Variants in CHMP3 observed in about 807,000 individuals in gnomAD.
The protein encoded by CHMP3 is charged multivesicular body protein 3.
A neutral mutation model predicts 27.4 loss-of-function variants in CHMP3; 8 were observed. The observed-to-expected ratio is 0.29, with a 90% CI of 0.17 to 0.53. The LOEUF (loss-of-function observed/expected upper bound fraction) is 0.53, where lower values mean the gene tolerates loss of function less well. Ranked by LOEUF, CHMP3 falls within the 20% of genes least tolerant of loss-of-function variation. The pLI, the probability that CHMP3 is intolerant of heterozygous loss-of-function variation, is 0.96. For missense variants in CHMP3, 208 were observed against 271.5 expected (o/e 0.77, Z 1.64); for synonymous variants, 86 against 85.5 (o/e 1.01, Z -0.03).
chr2:86,554,759 T>C (rs1357771492), intron 1 of CHMP3, among the ~76,000 whole-genome samples: 1 of 151,822 alleles, frequency 6.6e-6, no homozygotes, highest in African/African-American at 2.4e-5. Context: ...ATTGGATTGT[T>C]GTATTACACA....
At chr2:86,519,393 C>T (rs1267534930) in intron 3 of CHMP3, among the ~76,000 whole-genome samples, 1 of 149,592 alleles carries the variant, frequency 6.7e-6, no homozygotes, top group Non-Finnish European at 1.5e-5. Context: ...CAAAGGAATA[C>T]TATGAAAACA....
chr2:86,509,855 C>T (rs1294164679), intron 4 of CHMP3, among the ~76,000 whole-genome samples: 2 of 152,194 alleles, frequency 1.3e-5, no homozygotes, highest in East Asian at 3.8e-4. Flanking sequence ...CTTCTTTATC[C>T]CTGTCCTTGT....
intron 2 of CHMP3, among the ~76,000 whole-genome samples, chr2:86,533,877 T>A (rs1041418914): frequency 1.3e-5 from 2 of 152,170 alleles, no homozygotes; most frequent in African/African-American, 4.8e-5. Flanking sequence ...TTTAGGTATG[T>A]TCTGATTTGG....
intron 3 of CHMP3, among the ~76,000 whole-genome samples, chr2:86,517,226 C>T (rs1675343660): frequency 1.3e-5 from 2 of 152,082 alleles, no homozygotes; most frequent in African/African-American, 4.8e-5. Context: ...ATAAATATGA[C>T]CATGTTGTAA....
chr2:86,536,634 TG>T (rs1676156768), intron 2 of CHMP3, among the ~76,000 whole-genome samples: 1 of 152,238 alleles, frequency 6.6e-6, no homozygotes, highest in African/African-American at 2.4e-5. Context: ...ATTCTCTCAC[TG>T]TCTATGGCTT....
chr2:86,507,211 T>C (rs1443919706), intron 5 of CHMP3: 13 of 317,558 alleles, frequency 4.1e-5, no homozygotes, highest in Non-Finnish European at 6.6e-5. Context: ...TTCAAGAAAG[T>C]CTACACCAGT....
rs1675060373 is a variant in CHMP3, at chr2:86,510,476, A to T, written c.290T>A (p.Val97Asp). 6.2e-7 allele frequency: 1 copy of T among 1,612,340 alleles called. No homozygotes were observed. Among genetic ancestry groups the T allele is most frequent in the Non-Finnish European group, 8.5e-7 (1 of 1,180,008 alleles). Residue 97 changes from valine (V) to aspartate (D), a missense_variant, in exon 4 of 6, where the codon GTC becomes GAC. Coordinates refer to ENST00000263856, the MANE Select transcript of CHMP3 (RefSeq NM_016079.4). ...VLMGMKNQLA[V>D]LRVAGSLQKS... is the part of the protein sequence containing the mutation. ...CTGCAGGGAACCAGCCACTCGCAAG[A>T]CCGCTGAAAGAGAATGTGTACAGTC...
chr2:86,554,102 AC>A (rs1328993834), intron 1 of CHMP3, among the ~76,000 whole-genome samples: 2 of 152,222 alleles, frequency 1.3e-5, no homozygotes, highest in East Asian at 3.8e-4. Flanking sequence ...TGCCCCTTCA[AC>A]CATGTGAGGA....
Position 86,539,574 on chromosome 2 carries a change from T to C in CHMP3, c.106+2678A>G, listed in dbSNP as rs115738390. ...GCTATGGATGTGAGAAGAATTATAG[T>C]AAGCATAGCACAAAAAAGGAATATG... On this transcript the variant is annotated intron_variant, in intron 2 of 5. Coordinates refer to ENST00000263856, the MANE Select transcript of CHMP3 (RefSeq NM_016079.4). Among the ~76,000 whole-genome samples, 311 of 152,234 alleles carry C rather than the reference T, an allele frequency of 2.0e-3. 2 individuals carry two copies. Among genetic ancestry groups the C allele is most frequent in the African/African-American group, 7.3e-3 (302 of 41,574 alleles).
intron 1 of CHMP3, among the ~76,000 whole-genome samples, chr2:86,554,140 A>AT (rs1208757280): frequency 9.8e-5 from 15 of 152,322 alleles, no homozygotes; most frequent in African/African-American, 3.6e-4. Context: ...TCTATGAACC[A>AT]AAAAGCAGTG....
intron 1 of CHMP3, among the ~76,000 whole-genome samples, chr2:86,554,097 C>T (rs1307655735): frequency 2.0e-5 from 3 of 152,160 alleles, no homozygotes; most frequent in African/African-American, 7.2e-5. Context: ...TCTTTTGCCC[C>T]TTCAACCATG....
intron 1 of CHMP3, among the ~76,000 whole-genome samples, chr2:86,548,179 C>CTTTTTTT (rs55949258): frequency 6.0e-5 from 7 of 116,022 alleles, no homozygotes; most frequent in East Asian, 2.7e-4. Flanking sequence ...GAGGAGTTCT[C>CTTTTTTT]TTTTTTTTTT....
At position 86,520,178 on chromosome 2, in the gene CHMP3, A is replaced by G. The variant is rs143553387; in HGVS notation, c.286+9040T>C. On this transcript the variant is annotated intron_variant, in intron 3 of 5. Transcript: ENST00000263856. ...TATATATTTCTGTAGCATTTTTAAAAGCAATGTCAATATTAGTCCATTCTC... is the reference window on the plus strand; with the variant it reads ...TATATATTTCTGTAGCATTTTTAAAGGCAATGTCAATATTAGTCCATTCTC... Among the ~76,000 whole-genome samples the G allele has an allele frequency of 4.6e-5, 7 of 152,350 alleles. No homozygotes were observed. In the East Asian group the frequency reaches 1.2e-3, roughly 25 times the overall value.
At chr2:86,547,442 A>G (rs995642184) in intron 1 of CHMP3, among the ~76,000 whole-genome samples, 1 of 152,248 alleles carries the variant, frequency 6.6e-6, no homozygotes, top group Admixed American at 6.5e-5. Context: ...TTTGCAAAAA[A>G]GAAAAACTTA....
intron 2 of CHMP3, among the ~76,000 whole-genome samples, chr2:86,541,995 T>C (rs867624804): frequency 1.9e-4 from 29 of 152,170 alleles, no homozygotes; most frequent in African/African-American, 6.5e-4. Flanking sequence ...TTTATTTAAT[T>C]TGAATTCCAT....
chr2:86,559,852 T>C (rs1677277709), intron 1 of CHMP3, among the ~76,000 whole-genome samples: 1 of 152,232 alleles, frequency 6.6e-6, no homozygotes. Context: ...AAACTGTTTC[T>C]GATCATCTCA....
At chr2:86,557,546 C>T (rs1438001183) in intron 1 of CHMP3, among the ~76,000 whole-genome samples, 1 of 152,150 alleles carries the variant, frequency 6.6e-6, no homozygotes, top group Non-Finnish European at 1.5e-5. Context: ...TACATCTTAC[C>T]ACTACCATCA....
At chr2:86,546,114 AC>A (rs1429294696) in intron 1 of CHMP3, among the ~76,000 whole-genome samples, 1 of 152,186 alleles carries the variant, frequency 6.6e-6, no homozygotes, top group Admixed American at 6.5e-5. Context: ...CAATCCCAGC[AC>A]CTCGGGAGGC....
intron 3 of CHMP3, among the ~76,000 whole-genome samples, chr2:86,516,312 G>C (rs939423235): frequency 6.6e-6 from 1 of 152,006 alleles, no homozygotes; most frequent in Non-Finnish European, 1.5e-5. Flanking sequence ...AATAAAAAAG[G>C]GTTCACTTTT....
Sources: gnomAD v4.1 joint callset for allele counts (sites outside exome capture counted in the v4.1 genomes callset) on GRCh38, gnomAD v4.1.1 for gene constraint, MANE v1.5 for transcripts, NCBI Gene and HGNC (gene_info 2026-07-23, HGNC 2026-07-21) for gene names.